Variants in LLGL2 observed in about 807,000 individuals in gnomAD.
The protein encoded by LLGL2 is LLGL2, scribble cell polarity complex component.
A neutral mutation model predicts 123.2 loss-of-function variants in LLGL2; 81 were observed. The observed-to-expected ratio is 0.66, with a 90% CI of 0.55 to 0.79. The LOEUF is 0.79. LLGL2 is among the 30% of genes least tolerant of loss of function. The probability of loss-of-function intolerance (pLI) is 0.00; values close to 1 mark genes in which losing one functional copy is unlikely to be tolerated. For synonymous variants in LLGL2, 577 were observed against 594.1 expected, an observed-to-expected ratio of 0.97 and a Z score of 0.42; for missense variants, 1,273 against 1,414.6, an observed-to-expected ratio of 0.90 and a Z score of 1.61.
rs772853182 is a variant in LLGL2 at position 75,556,054 on chromosome 17, G to A, written c.84G>A (p.Glu28=). Residue 28 remains glutamate, a synonymous_variant, in exon 3 of 26, where the codon GAG becomes GAA. Transcript: ENST00000392550. The part of the protein sequence containing the change: ...RDLFQFNKTV[E]HGFPHQPSAL... The stretch of plus-strand genomic sequence containing the variant: ...CGTGCTTCTCGTTGCAGACGGTGGA[G>A]CATGGCTTCCCGCACCAGCCCAGCG... The A allele has an allele frequency of 6.2e-7, 1 of 1,608,664 alleles. No individual in the cohort carries two copies. The highest frequency in any genetic ancestry group is 2.2e-5 in the East Asian group (1 of 44,866).
chr17:75,553,257 C>G (rs1259417650), intron 2 of LLGL2, among the ~76,000 whole-genome samples: 1 of 152,218 alleles, frequency 6.6e-6, no homozygotes, highest in African/African-American at 2.4e-5. Flanking sequence ...CCTGGCTATC[C>G]CATTTAGGTA....
At chr17:75,556,840 A>T (rs2054935261) in intron 3 of LLGL2, among the ~76,000 whole-genome samples, 1 of 152,126 alleles carries the variant, frequency 6.6e-6, no homozygotes, top group Non-Finnish European at 1.5e-5. Flanking sequence ...AGCCTGGTCA[A>T]TGTGGTAAAA....
intron 6 of LLGL2, chr17:75,562,761 G>C (rs111612060): frequency 1.9e-6 from 1 of 524,288 alleles, no homozygotes. Context: ...GTAGAGACAG[G>C]GTTTTGCCAT....
chr17:75,537,484 A>G (rs1004703238), intron 1 of LLGL2, among the ~76,000 whole-genome samples: 1 of 152,144 alleles, frequency 6.6e-6, no homozygotes, highest in Non-Finnish European at 1.5e-5. Flanking sequence ...ACTTGAGATC[A>G]GGAGTTCGAG....
intron 10 of LLGL2, among the ~76,000 whole-genome samples, chr17:75,567,088 G>T (rs1263123602): frequency 6.6e-6 from 1 of 152,234 alleles, no homozygotes; most frequent in Non-Finnish European, 1.5e-5. Flanking sequence ...GAGGCATGAA[G>T]TTTGGTGGGG....
chr17:75,532,964 C>T (rs2053857368), intron 1 of LLGL2, among the ~76,000 whole-genome samples: 1 of 152,138 alleles, frequency 6.6e-6, no homozygotes, highest in South Asian at 2.1e-4. Context: ...TCTAGTTAAT[C>T]CCTAGTCAGT....
rs34158736 is a variant in LLGL2, at chr17:75,563,360, C to T, written c.723C>T (p.Asp241=). 0.022 allele frequency: 35,936 copies of T among 1,612,730 alleles called. 527 individuals are homozygous for T. Among genetic ancestry groups the T allele is most frequent in the Middle Eastern group, 0.044 (269 of 6,056 alleles). ...TGGAGAACATCTGGTGGCAGCGGGA[C>T]GGCCGCCTGCTCGTCAGCTGTCACT... ...QQLENIWWQR[D]GRLLVSCHSD... The change falls in exon 8 of 26, where the codon GAC becomes GAT. Residue 241 remains aspartate, a synonymous_variant. Transcript: ENST00000392550.
In LLGL2 at chr17:75,534,936, C is replaced by T. The variant is rs191268691; in HGVS notation, c.-30-8461C>T. ...CCTTTTACTACTTAATTAACAACAG[C>T]GGGGACGACAGTCCTCCAGTCATGC... On this transcript the variant is annotated intron_variant, in intron 1 of 25. Transcript: ENST00000392550. Among the ~76,000 whole-genome samples, 22 of 152,350 alleles carry T rather than the reference C, an allele frequency of 1.4e-4. No homozygotes were observed. In the East Asian group the frequency reaches 3.1e-3, roughly 21 times the overall value.
rs1166830314 is a variant in LLGL2 at position 75,570,125 on chromosome 17, T to C, written c.1744T>C (p.Leu582=). 3.1e-6 allele frequency: 5 copies of C among 1,600,110 alleles called. No homozygotes were observed. Among genetic ancestry groups the C allele is most frequent in the Non-Finnish European group, 4.3e-6 (5 of 1,173,800 alleles). ...TGAGCCTGGCTTTCAGCCCTTCGTG[T>C]TGGTGCAGTGTCAGCCCCCGGCTGT... ...RFEPGFQPFV[L]VQCQPPAVVT... is the part of the protein sequence containing the mutation. The change falls in exon 15 of 26, where the codon TTG becomes CTG. Residue 582 remains leucine, a synonymous_variant. Coordinates refer to ENST00000392550, the MANE Select transcript of LLGL2 (RefSeq NM_001031803.2).
intron 6 of LLGL2, among the ~76,000 whole-genome samples, chr17:75,561,605 A>T (rs1598605901): frequency 6.6e-6 from 1 of 152,304 alleles, no homozygotes; most frequent in Middle Eastern, 3.4e-3. Context: ...TGGGTGACAG[A>T]ATGAGATCCT....
chr17:75,568,558 G>A lies in LLGL2; in HGVS notation c.1119G>A (p.Pro373=), dbSNP rs139947606. ...ACCTGCAGACAGCAGGCTGGCCACCGGTCCAGCTGCCCTACCTGGCTTCTC... is the reference window on the plus strand; with the variant it reads ...ACCTGCAGACAGCAGGCTGGCCACCAGTCCAGCTGCCCTACCTGGCTTCTC... The part of the protein sequence containing the change: ...VIDLQTAGWP[P]VQLPYLASLH... Residue 373 remains proline, a synonymous_variant, in exon 11 of 26, where the codon CCG becomes CCA. Transcript: ENST00000392550. The A allele has an allele frequency of 2.0e-5, 32 of 1,613,768 alleles. No individual in the cohort carries two copies. The highest frequency in any genetic ancestry group is 1.3e-4 in the East Asian group (6 of 44,876).
In LLGL2 at chr17:75,573,466, G is replaced by A; in HGVS notation, c.2726-15G>A. On this transcript the variant is annotated splice_polypyrimidine_tract_variant and intron_variant, in intron 20 of 25. Coordinates refer to ENST00000392550, the MANE Select transcript of LLGL2 (RefSeq NM_001031803.2). ...GCCGCCAGGCCAGGCCGCTAGCATTGCCCCCACTCCCCAGGCTTCTACCTG... is the reference window on the plus strand; with the variant it reads ...GCCGCCAGGCCAGGCCGCTAGCATTACCCCCACTCCCCAGGCTTCTACCTG... 1 of 1,597,606 alleles carries A rather than the reference G, an allele frequency of 6.3e-7. No individual in the cohort carries two copies. Among genetic ancestry groups the A allele is most frequent in the Non-Finnish European group, 8.6e-7 (1 of 1,167,276 alleles).
At chr17:75,528,270 C>G (rs1256326779) in intron 1 of LLGL2, among the ~76,000 whole-genome samples, 2 of 152,052 alleles carry the variant, frequency 1.3e-5, no homozygotes, top group African/African-American at 4.8e-5. Context: ...CGCCTGCCAT[C>G]ACGCCCGGCT....
chr17:75,543,647 G>A, intron 2 of LLGL2, 146 bp downstream of exon 2: 1 of 539,372 alleles, frequency 1.9e-6, no homozygotes, highest in Non-Finnish European at 3.2e-6. Flanking sequence ...TTGGAAATGG[G>A]GCCTGGTTAA....
At chr17:75,572,210 G>A in intron 19 of LLGL2, 146 bp downstream of exon 19, 1 of 840,840 alleles carries the variant, frequency 1.2e-6, no homozygotes, top group South Asian at 1.6e-5. Context: ...TAAGTGAGGG[G>A]GGAGTCTCGT....
intron 8 of LLGL2, 59 bp from the exon 9 acceptor site, chr17:75,563,693 G>A: frequency 6.3e-7 from 1 of 1,587,372 alleles, no homozygotes; most frequent in Non-Finnish European, 8.7e-7. Context: ...TGTGCCTGTG[G>A]GGACTGACAC....
intron 19 of LLGL2, among the ~76,000 whole-genome samples, chr17:75,572,533 C>T (rs1017742053): frequency 2.6e-5 from 4 of 152,022 alleles, no homozygotes; most frequent in Non-Finnish European, 2.9e-5. Context: ...GGCGTGGTGG[C>T]GGGCACCTGT....
intron 2 of LLGL2, 61 bp downstream of exon 2, chr17:75,543,562 G>A: frequency 2.2e-6 from 3 of 1,389,384 alleles, no homozygotes; most frequent in Non-Finnish European, 3.0e-6. Flanking sequence ...CTCAGGCTGG[G>A]GCTGAGGCAC....
In LLGL2 at chr17:75,558,775, G is replaced by C. The variant is rs2055038230; in HGVS notation, c.371+148G>C. 1 of 679,994 alleles carries C rather than the reference G, an allele frequency of 1.5e-6. No homozygotes were observed. Among genetic ancestry groups the C allele is most frequent in the Non-Finnish European group, 2.6e-6 (1 of 390,258 alleles). 42.1% of individuals were successfully genotyped at this position (679,994 alleles called of 1,614,324 possible). ...GCCCGATGCATCGCCACACTCAGGT[G>C]CTCCGAGTGGAGTGGGCGGGGCTGC... On this transcript the variant is annotated intron_variant, in intron 5 of 25. Transcript: ENST00000392550. This position sits in a 1 kb window ranked among gnomAD's most constrained non-coding sequence, Gnocchi z 4.0.
Sources: allele counts gnomAD v4.1 joint callset (sites outside exome capture counted in the v4.1 genomes callset), GRCh38; gene constraint gnomAD v4.1.1; non-coding constraint Gnocchi (gnomAD v3.1); transcripts MANE v1.5; gene names NCBI Gene and HGNC (gene_info 2026-07-23, HGNC 2026-07-21).